The following CAMK2A variants were observed in gnomAD, a reference collection of about 807,000 sequenced individuals.
CAMK2A encodes the protein calcium/calmodulin dependent protein kinase II alpha.
A neutral mutation model predicts 79.2 loss-of-function variants in CAMK2A; 7 were observed. The observed-to-expected ratio is 0.09, with a 90% CI of 0.05 to 0.17. The LOEUF (loss-of-function observed/expected upper bound fraction) is 0.17. CAMK2A is among the 10% of genes least tolerant of loss of function. The pLI is 1.00. For synonymous variants in CAMK2A, 242 were observed against 251.7 expected (o/e 0.96, Z 0.36); for missense variants, 214 against 646.4 (o/e 0.33, Z 7.25).
intron 13 of CAMK2A, among the ~76,000 whole-genome samples, chr5:150,243,229 C>A (rs1268562911): frequency 6.6e-6 from 1 of 152,224 alleles, no homozygotes; most frequent in Non-Finnish European, 1.5e-5. Context: ...CAGACCAGGG[C>A]AGCTTCTCTC....
At chr5:150,250,983 A>G (rs536611687) in intron 9 of CAMK2A, among the ~76,000 whole-genome samples, 173 bp from the exon 10 acceptor site, 1 of 152,354 alleles carries the variant, frequency 6.6e-6, no homozygotes, top group South Asian at 2.1e-4. Context: ...AGCCCCATAC[A>G]AATCAGAACA....
At chr5:150,245,958 C>T (rs1240791828) in intron 12 of CAMK2A, among the ~76,000 whole-genome samples, 1 of 152,250 alleles carries the variant, frequency 6.6e-6, no homozygotes, top group Non-Finnish European at 1.5e-5. Context: ...TCCAGCCCTG[C>T]CCACAGGCAT....
rs1754232413 is a variant in CAMK2A, at chr5:150,220,094, CT to C, written c.*2615del. ...AGCCTGGGGTAGCGATCTGCCTCCACTTCTCTGGCACTTGGAGAGTGACACA... is the reference window on the plus strand; with the variant it reads ...AGCCTGGGGTAGCGATCTGCCTCCACTCTCTGGCACTTGGAGAGTGACACA... On this transcript the variant is annotated 3_prime_UTR_variant, in exon 19 of 19. Transcript: ENST00000671881. 6.6e-6 allele frequency: 1 copy of C among 152,616 alleles called. No homozygotes were observed. 9.5% of individuals were successfully genotyped at this position (152,616 alleles called of 1,614,324 possible). A position where few individuals can be genotyped will look rare whatever the true frequency, so the allele number is the denominator to read the frequency against.
chr5:150,257,113 A>G (rs1002853571), intron 4 of CAMK2A, among the ~76,000 whole-genome samples: 6 of 152,124 alleles, frequency 3.9e-5, no homozygotes, highest in African/African-American at 1.4e-4. Context: ...AGAGCACATC[A>G]CTAGGCTCAT....
At chr5:150,274,850 T>A (rs2150303417) in intron 1 of CAMK2A, among the ~76,000 whole-genome samples, 1 of 152,294 alleles carries the variant, frequency 6.6e-6, no homozygotes, top group Admixed American at 6.5e-5. Flanking sequence ...ATGCCCAGGT[T>A]TTTGACATGG....
intron 3 of CAMK2A, among the ~76,000 whole-genome samples, chr5:150,263,455 C>T (rs1480156413): frequency 2.6e-5 from 4 of 151,478 alleles, no homozygotes; most frequent in Non-Finnish European, 2.9e-5. Flanking sequence ...CACTCACACA[C>T]GTGCATTCAC....
At chr5:150,235,745 A>G (rs1755028489) in intron 15 of CAMK2A, among the ~76,000 whole-genome samples, 1 of 152,192 alleles carries the variant, frequency 6.6e-6, no homozygotes, top group Admixed American at 6.5e-5. Context: ...CTGGAGGATG[A>G]CATTTCTAAT....
chr5:150,266,641 G>A (rs1756524917), intron 2 of CAMK2A, among the ~76,000 whole-genome samples: 6 of 152,096 alleles, frequency 3.9e-5, no homozygotes, highest in Admixed American at 3.9e-4. Context: ...AGTGAGCAGT[G>A]GAGCTATGAT....
At chr5:150,226,744 A>AGGGG (rs530069538) in intron 17 of CAMK2A, among the ~76,000 whole-genome samples, 125 of 84,436 alleles carry the variant, frequency 1.5e-3, no homozygotes, top group East Asian at 2.4e-3. Context: ...AAAAAAAAAA[A>AGGGG]GGGGGGGGGG....
rs1299500667 is a variant in CAMK2A, at chr5:150,257,548, C to T, written c.272+15G>A. Reference sequence around the variant, plus strand: ...CCAACACCGTTGGCGCATCCCAGGGCGGGGCCAAACTCACAGGTCGAAGAT... The same window carrying T: ...CCAACACCGTTGGCGCATCCCAGGGTGGGGCCAAACTCACAGGTCGAAGAT... On this transcript the variant is annotated intron_variant, in intron 4 of 18. Coordinates refer to ENST00000671881, the MANE Select transcript of CAMK2A (RefSeq NM_015981.4). The T allele has an allele frequency of 3.6e-5, 56 of 1,561,022 alleles. No homozygotes were observed. Among genetic ancestry groups the T allele is most frequent in the Admixed American group, 7.6e-5 (4 of 52,676 alleles).
At chr5:150,237,275 C>T (rs1398237955) in intron 15 of CAMK2A, among the ~76,000 whole-genome samples, 1 of 152,170 alleles carries the variant, frequency 6.6e-6, no homozygotes, top group African/African-American at 2.4e-5. Flanking sequence ...TAATACAATG[C>T]TCTTTTTCCC....
chr5:150,222,745 C>T (rs372778577), intron 18 of CAMK2A, 32 bp from the exon 19 acceptor site: 11 of 1,613,656 alleles, frequency 6.8e-6, no homozygotes, highest in Non-Finnish European at 8.5e-6. Flanking sequence ...CTTCTCAGGG[C>T]ATGGTGTTTC....
rs10535541 is a variant in CAMK2A at position 150,248,328 on chromosome 5, TTATA to T, written c.901-518_901-515del. The stretch of plus-strand genomic sequence containing the variant: ...TTTTTTTATTTCCAAGTTTTTTATT[TTATA>T]TATATATATATATTATATAATACTT... On this transcript the variant is annotated intron_variant, in intron 11 of 18. Coordinates refer to ENST00000671881, the MANE Select transcript of CAMK2A (RefSeq NM_015981.4). Among the ~76,000 whole-genome samples the T allele has an allele frequency of 1.1e-4, 16 of 143,792 alleles. No individual in the cohort carries two copies. In the East Asian group the frequency reaches 1.2e-3, roughly 11 times the overall value. 94.3% of individuals were successfully genotyped at this position (143,792 alleles called of 152,430 possible). A position where few individuals can be genotyped will look rare whatever the true frequency, so the allele number is the denominator to read the frequency against.
chr5:150,274,946 G>A (rs111739178), intron 1 of CAMK2A, among the ~76,000 whole-genome samples: 8 of 152,378 alleles, frequency 5.3e-5, no homozygotes, highest in African/African-American at 1.9e-4. Context: ...AGGCTGACAA[G>A]GCAGAGGAGG....
At chr5:150,265,104 C>A in intron 2 of CAMK2A, 89 bp from the exon 3 acceptor site, 2 of 985,800 alleles carry the variant, frequency 2.0e-6, no homozygotes, top group South Asian at 2.7e-5. Context: ...ATTATCTCCA[C>A]CTCCCAGGGC....
intron 12 of CAMK2A, among the ~76,000 whole-genome samples, chr5:150,246,224 G>T (rs564467886): frequency 1.3e-5 from 2 of 152,282 alleles, no homozygotes; most frequent in South Asian, 4.2e-4. Flanking sequence ...CCCCTTCGAG[G>T]CTCTCATTCC....
chr5:150,254,002 C>T (rs1411207886), intron 6 of CAMK2A, among the ~76,000 whole-genome samples: 2 of 152,218 alleles, frequency 1.3e-5, no homozygotes, highest in Non-Finnish European at 2.9e-5. Context: ...CCTTCCTATG[C>T]CCCTTGAAAC....
At chr5:150,282,259 A>C (rs1453668982) in intron 1 of CAMK2A, among the ~76,000 whole-genome samples, 1 of 152,218 alleles carries the variant, frequency 6.6e-6, no homozygotes, top group South Asian at 2.1e-4. Context: ...TGGGGGACAC[A>C]GAAGGGCTAG....
rs1756065358 is a variant in CAMK2A, at chr5:150,256,530, G to C, written c.411+43C>G. On this transcript the variant is annotated intron_variant, in intron 6 of 18. Transcript: ENST00000671881. The surrounding 1 kb of genome is among the most constrained non-coding windows in gnomAD (Gnocchi z 4.6). The stretch of plus-strand genomic sequence containing the variant: ...CAGGATTAGGGACGTGCAGAGGAGA[G>C]AGGGGCTCCCGGGGTGAGCCACACC... The C allele has an allele frequency of 2.1e-6, 3 of 1,409,100 alleles. No individual in the cohort carries two copies. The highest frequency in any genetic ancestry group is 2.3e-5 in the South Asian group (2 of 86,558). The allele number at this position is 1,409,100 out of a possible 1,614,324, so 87.3% of individuals were successfully genotyped here.
Sources: gnomAD v4.1 joint callset for allele counts (sites outside exome capture counted in the v4.1 genomes callset) on GRCh38, gnomAD v4.1.1 for gene constraint, Gnocchi (gnomAD v3.1) non-coding constraint, MANE v1.5 for transcripts, NCBI Gene and HGNC (gene_info 2026-07-23, HGNC 2026-07-21) for gene names.